The following TAFAZZIN variants were observed in gnomAD, a reference collection of about 807,000 sequenced individuals.
TAFAZZIN encodes the protein tafazzin, phospholipid-lysophospholipid transacylase.
A neutral mutation model predicts 27.3 loss-of-function variants in TAFAZZIN; 6 were observed. The observed-to-expected ratio is 0.22, with a 90% CI of 0.12 to 0.43. The LOEUF (loss-of-function observed/expected upper bound fraction) is 0.43, where lower values mean the gene tolerates loss of function less well. TAFAZZIN is among the 20% of genes least tolerant of loss of function. The pLI is 1.00. For missense variants in TAFAZZIN, 127 were observed against 244.5 expected, an observed-to-expected ratio of 0.52 and a Z score of 3.21; for synonymous variants, 79 against 96.2, an observed-to-expected ratio of 0.82 and a Z score of 1.04.
intron 2 of TAFAZZIN, 31 bp downstream of exon 2, chrX:154,412,245 G>A (rs1183039414): frequency 8.5e-7 from 1 of 1,183,026 alleles, no homozygotes; most frequent in African/African-American, 1.7e-5. Context: ...GGCAGGGGGA[G>A]GAAAGGCGAG....
chrX:154,412,356 G>C, intron 2 of TAFAZZIN, 142 bp downstream of exon 2: 1 of 861,367 alleles, frequency 1.2e-6, no homozygotes, highest in African/African-American at 2.0e-5. Flanking sequence ...CCAGGGCTGA[G>C]ACTTGGATTT....
chrX:154,420,148 CTCCCTCTGG>C lies in TAFAZZIN; in HGVS notation c.646+59_647-51del, dbSNP rs782307129. On this transcript the variant is annotated intron_variant, in intron 8 of 10. Transcript: ENST00000601016. ...GGCATCTGGGGTGGGGGGCCTGGGACTCCCTCTGGTCCCAGGCTGCCCTGCTCCACCCCA... is the reference window on the plus strand; with the variant it reads ...GGCATCTGGGGTGGGGGGCCTGGGACTCCCAGGCTGCCCTGCTCCACCCCA... 2.4e-5 allele frequency: 29 copies of C among 1,207,901 alleles called. No homozygotes were observed. In the African/African-American group the frequency reaches 5.1e-4, roughly 21 times the overall value.
intron 5 of TAFAZZIN, chrX:154,419,329 A>C: frequency 4.5e-6 from 2 of 446,805 alleles, no homozygotes; most frequent in Non-Finnish European, 7.8e-6. Context: ...CGGTCATTGG[A>C]GGGCGTCTGT....
Position 154,420,706 on chromosome X carries a change from G to A in TAFAZZIN, c.748G>A (p.Glu250Lys), listed in dbSNP as rs1557194377. The change falls in exon 10 of 11, where the codon GAG becomes AAG. Residue 250 changes from glutamate to lysine, a missense_variant. Coordinates refer to ENST00000601016, the MANE Select transcript of TAFAZZIN (RefSeq NM_000116.5). ...GKPFSALPVLERLRAENKSAV... is the reference protein window; with the variant it reads ...GKPFSALPVLKRLRAENKSAV... ...GCCCTTCAGTGCCCTGCCTGTACTC[G>A]AGCGGCTCCGGGCGGAGAACAAGTC... 4.1e-6 allele frequency: 5 copies of A among 1,209,078 alleles called. No individual in the cohort carries two copies. The highest frequency in any genetic ancestry group is 2.2e-5 in the Admixed American group (1 of 45,653).
intron 5 of TAFAZZIN, among the ~76,000 whole-genome samples, chrX:154,414,990 GAA>G (rs1160162016): frequency 5.5e-5 from 4 of 72,715 alleles, no homozygotes; most frequent in Non-Finnish European, 2.7e-5. Flanking sequence ...ACTCCGTCTG[GAA>G]AAAAAAAAAA....
Position 154,418,097 on chromosome X carries a change from T to C in TAFAZZIN, c.461-1446T>C, listed in dbSNP as rs1436268601. 2.7e-5 allele frequency among the ~76,000 whole-genome samples: 3 copies of C among 112,167 alleles called. No homozygotes were observed. The East Asian group carries it at 8.3e-4, about 31-fold the overall frequency. ...GCTCCAAAAGCATATTATTATTATT[T>C]TTTAAATTCCAGTTTCAAGCTCAAT... On this transcript the variant is annotated intron_variant, in intron 5 of 10. Transcript: ENST00000601016.
Position 154,420,234 on chromosome X carries a change from C to T in TAFAZZIN, c.669C>T (p.Asn223=), listed in dbSNP as rs1557194185. 8.3e-7 allele frequency: 1 copy of T among 1,211,688 alleles called. No homozygotes were observed. ...CAGGAATGAATGACGTCCTTCCTAA[C>T]AGTCCGCCCTACTTCCCCCGCTTTG... ...WHVGMNDVLP[N]SPPYFPRFGQ... is the part of the protein sequence containing the mutation. The change falls in exon 9 of 11, where the codon AAC becomes AAT. Residue 223 remains asparagine, a synonymous_variant. Transcript: ENST00000601016.
chrX:154,413,344 C>T (rs782624687), intron 3 of TAFAZZIN, 92 bp downstream of exon 3: 20 of 1,206,114 alleles, frequency 1.7e-5, no homozygotes, highest in Middle Eastern at 2.6e-4. Flanking sequence ...CAGGAGGTGG[C>T]GTCCAGCAGT....
Position 154,421,431 on chromosome X carries a change from G to A in TAFAZZIN, c.*427G>A, listed in dbSNP as rs1603382672. 1 of 336,875 alleles carries A rather than the reference G, an allele frequency of 3.0e-6. No individual in the cohort carries two copies. The highest frequency in any genetic ancestry group is 9.3e-5 in the East Asian group (1 of 10,770). 27.8% of individuals were successfully genotyped at this position (336,875 alleles called of 1,213,427 possible). A position where few individuals can be genotyped will look rare whatever the true frequency, so the allele number is the denominator to read the frequency against. The stretch of plus-strand genomic sequence containing the variant: ...AGGAGCTGCTCACTACCTCCTCAGG[G>A]ATGGCCGTTGGCCACGTCTTCCTTC... On this transcript the variant is annotated 3_prime_UTR_variant, in exon 11 of 11. Transcript: ENST00000601016.
At chrX:154,418,790 G>A (rs1259178697) in intron 5 of TAFAZZIN, 1 of 112,283 alleles carries the variant, frequency 8.9e-6, no homozygotes, top group Non-Finnish European at 1.9e-5. Context: ...TATAAGGGAG[G>A]GTCTAGTTTC....
Position 154,411,744 on chromosome X carries a change from A to C in TAFAZZIN, c.-100A>C. 1.2e-6 allele frequency: 1 copy of C among 811,852 alleles called. No homozygotes were observed. The highest frequency in any genetic ancestry group is 1.8e-6 in the Non-Finnish European group (1 of 563,025). The allele number at this position is 811,852 out of a possible 1,213,427, so 66.9% of individuals were successfully genotyped here. ...GCCCCCGTCCGTCCGTGCGCGGGCC[A>C]GTCAGGGGCCAGTGTCTCGAGCGGT... is the stretch of plus-strand genomic sequence containing the variant. On this transcript the variant is annotated 5_prime_UTR_variant, in exon 1 of 11. Transcript: ENST00000601016.
chrX:154,419,654 C>CA (rs2068572855), intron 6 of TAFAZZIN, 31 bp downstream of exon 6: 1 of 1,210,553 alleles, frequency 8.3e-7, no homozygotes, highest in Non-Finnish European at 1.1e-6. Flanking sequence ...CGAGCCCCCC[C>CA]AGTATGAGCG....
rs2068616684 is a variant in TAFAZZIN at position 154,421,043 on chromosome X, A to G, written c.*39A>G. ...CCTTCTGGATTCTTGGCCCGCACAG[A>G]GCTGGGGCTGAGGGATGGACTGATG... On this transcript the variant is annotated 3_prime_UTR_variant, in exon 11 of 11. Coordinates refer to ENST00000601016, the MANE Select transcript of TAFAZZIN (RefSeq NM_000116.5). 2 of 1,134,264 alleles carry G rather than the reference A, an allele frequency of 1.8e-6. No homozygotes were observed. Among genetic ancestry groups the G allele is most frequent in the Non-Finnish European group, 2.4e-6 (2 of 828,379 alleles). 93.5% of individuals were successfully genotyped at this position (1,134,264 alleles called of 1,213,427 possible).
chrX:154,414,043 C>T (rs782042164), intron 4 of TAFAZZIN, 58 bp from the exon 5 acceptor site: 1 of 785,897 alleles, frequency 1.3e-6, no homozygotes, highest in South Asian at 2.1e-5. Flanking sequence ...GGCCCAAGGT[C>T]ATGGGGTAGG....
At chrX:154,419,980 G>A (rs1449268952) in intron 7 of TAFAZZIN, 52 bp from the exon 8 acceptor site, 8 of 1,199,109 alleles carry the variant, frequency 6.7e-6, no homozygotes, top group Non-Finnish European at 9.0e-6. Context: ...TGGCACAGAA[G>A]CTTGGCTCAG....
intron 8 of TAFAZZIN, 26 bp downstream of exon 8, chrX:154,420,120 G>T (rs1456512801): frequency 8.3e-7 from 1 of 1,209,472 alleles, no homozygotes; most frequent in Non-Finnish European, 1.1e-6. Flanking sequence ...GGGACAGAGA[G>T]ATGGCATCTG....
At chrX:154,413,418 G>A (rs933648100) in intron 3 of TAFAZZIN, 64 bp from the exon 4 acceptor site, 2 of 1,208,185 alleles carry the variant, frequency 1.7e-6, no homozygotes, top group African/African-American at 3.5e-5. Context: ...GCATGCTGAT[G>A]CTGGGGGCAG....
At chrX:154,415,880 C>CA (rs140328432) in intron 5 of TAFAZZIN, among the ~76,000 whole-genome samples, 2,923 of 26,997 alleles carry the variant, frequency 0.11, 373 homozygotes, top group African/African-American at 0.28. Flanking sequence ...GACCTGGTCT[C>CA]AAAAAAAAAA....
chrX:154,419,125 G>T, intron 5 of TAFAZZIN: 1 of 227,028 alleles, frequency 4.4e-6, no homozygotes, highest in Admixed American at 6.2e-5. Context: ...CTTTGAGAGT[G>T]TGCAGGAGTA....
Sources: allele counts gnomAD v4.1 joint callset (sites outside exome capture counted in the v4.1 genomes callset), GRCh38; gene constraint gnomAD v4.1.1; transcripts MANE v1.5; gene names NCBI Gene and HGNC (gene_info 2026-07-23, HGNC 2026-07-21).